The following SLC7A8 variants were observed in gnomAD, a reference collection of about 807,000 sequenced individuals.
The protein encoded by SLC7A8 is solute carrier family 7 member 8, also known as large neutral amino acids transporter small subunit 2.
In SLC7A8, 30 loss-of-function variants were observed where a neutral mutation model predicts 51.2. The observed-to-expected ratio is 0.59, with a 90% CI of 0.44 to 0.80. SLC7A8 has a LOEUF of 0.80. SLC7A8 is among the 30% of genes least tolerant of loss of function. The pLI is 0.00. For synonymous variants in SLC7A8, 257 were observed against 275.8 expected (o/e 0.93, Z 0.67); for missense variants, 612 against 674.4 (o/e 0.91, Z 1.03).
Position 23,182,793 on chromosome 14 carries a change from C to G in SLC7A8, c.122G>C (p.Gly41Ala). 1 of 1,607,744 alleles carries G rather than the reference C, an allele frequency of 6.2e-7. No homozygotes were observed. The highest frequency in any genetic ancestry group is 8.5e-7 in the Non-Finnish European group (1 of 1,177,554). Residue 41 changes from glycine to alanine, a missense_variant, in exon 1 of 11, where the codon GGA becomes GCA. Physicochemically the swap from Gly to Ala is moderately conservative, Grantham distance 60 (BLOSUM62 0). Coordinates refer to ENST00000316902, the MANE Select transcript of SLC7A8 (RefSeq NM_012244.4). ...GATGATACCACAGGCACTGACCAAT[C>G]CGATCTCTTTCTTCAGGGCTACTCC... ...GGGVALKKEI[G>A]LVSACGIIVG...
At chr14:23,168,059 A>G (rs764456758) in intron 1 of SLC7A8, among the ~76,000 whole-genome samples, 7 of 152,224 alleles carry the variant, frequency 4.6e-5, no homozygotes, top group African/African-American at 7.2e-5. Context: ...CTTTCCCAAC[A>G]GAACAGGGCT....
At chr14:23,160,988 G>A (rs1023212983) in intron 3 of SLC7A8, among the ~76,000 whole-genome samples, 23 of 151,438 alleles carry the variant, frequency 1.5e-4, no homozygotes, top group African/African-American at 5.3e-4. Context: ...TTTTACTGCT[G>A]GGTGGCTAGG....
At chr14:23,148,102 T>G (rs2877534) in intron 3 of SLC7A8, among the ~76,000 whole-genome samples, 150,273 of 152,320 alleles carry the variant, frequency 0.99, 74,158 homozygotes, top group Middle Eastern at 1. Flanking sequence ...AATGACAGCA[T>G]ATCTCTTTGG....
At position 23,130,536 on chromosome 14, in the gene SLC7A8, C is replaced by A. The variant is rs527654017; in HGVS notation, c.1114-737G>T. On this transcript the variant is annotated intron_variant, in intron 8 of 10. Transcript: ENST00000316902. ...ATCGAGAAGATTTTAATGGTTCTTGCTACATCTGCCTTTTAGTCACACTAC... is the reference window on the plus strand; with the variant it reads ...ATCGAGAAGATTTTAATGGTTCTTGATACATCTGCCTTTTAGTCACACTAC... 2.6e-5 allele frequency among the ~76,000 whole-genome samples: 4 copies of A among 152,294 alleles called. No homozygotes were observed. In the South Asian group the frequency reaches 8.3e-4, roughly 32 times the overall value.
chr14:23,127,044 C>T lies in SLC7A8; in HGVS notation c.*133G>A. On this transcript the variant is annotated 3_prime_UTR_variant, in exon 11 of 11. Coordinates refer to ENST00000316902, the MANE Select transcript of SLC7A8 (RefSeq NM_012244.4). ...TTTGTTTACAATTTCTCACCACCCA[C>T]ACCAAAGTCCTACCACTGCCTGACA... is the stretch of plus-strand genomic sequence containing the variant. The T allele has an allele frequency of 8.8e-7, 1 of 1,140,160 alleles. No individual in the cohort carries two copies. Among genetic ancestry groups the T allele is most frequent in the Non-Finnish European group, 1.3e-6 (1 of 791,168 alleles). The allele number at this position is 1,140,160 out of a possible 1,614,324, so 70.6% of individuals were successfully genotyped here.
chr14:23,139,526 G>A lies in SLC7A8; in HGVS notation c.810C>T (p.Phe270=). 1 of 1,614,030 alleles carries A rather than the reference G, an allele frequency of 6.2e-7. No homozygotes were observed. The highest frequency in any genetic ancestry group is 8.5e-7 in the Non-Finnish European group (1 of 1,179,950). Residue 270 remains phenylalanine, a synonymous_variant, in exon 6 of 11, where the codon TTC becomes TTT. Coordinates refer to ENST00000316902, the MANE Select transcript of SLC7A8 (RefSeq NM_012244.4). The part of the protein sequence containing the change: ...DPYKNLPRAI[F]ISIPLVTFVY... Reference sequence around the variant, plus strand: ...CAAATGTGACCAGTGGGATGGAGATGAAGATGGCTCTGGGAAGGTTCCTGT... The same window carrying A: ...CAAATGTGACCAGTGGGATGGAGATAAAGATGGCTCTGGGAAGGTTCCTGT...
intron 3 of SLC7A8, among the ~76,000 whole-genome samples, chr14:23,150,897 G>A (rs1020058019): frequency 1.3e-5 from 2 of 152,148 alleles, no homozygotes; most frequent in Non-Finnish European, 2.9e-5. Flanking sequence ...CCTGCTCTGG[G>A]GTCCTTCAAC....
intron 7 of SLC7A8, among the ~76,000 whole-genome samples, chr14:23,131,999 ATTTTTT>A (rs1201371313): frequency 6.1e-5 from 6 of 98,196 alleles, no homozygotes; most frequent in African/African-American, 1.2e-4. Context: ...AAAACACTCT[ATTTTTT>A]TTTTTTTTTT....
chr14:23,138,527 C>T (rs2048712454), intron 6 of SLC7A8, among the ~76,000 whole-genome samples: 1 of 15,452 alleles, frequency 6.5e-5, no homozygotes, highest in Non-Finnish European at 8.2e-3. Flanking sequence ...ATTTTTGAGC[C>T]TCTGTCTCCA....
intron 3 of SLC7A8, chr14:23,147,078 T>TCCATCCATCCATCCATCC (rs151285462): frequency 6.7e-6 from 1 of 148,328 alleles, no homozygotes; most frequent in African/African-American, 2.5e-5. Context: ...AGGGGCTTTT[T>TCCATCCATCCATCCATCC]ATCCATCCAT....
At chr14:23,139,347 G>A in intron 6 of SLC7A8, 77 bp downstream of exon 6, 1 of 1,604,122 alleles carries the variant, frequency 6.2e-7, no homozygotes. Context: ...ATGGATCAGG[G>A]AAAAGTGAGT....
intron 3 of SLC7A8, among the ~76,000 whole-genome samples, chr14:23,164,636 T>G (rs1392663253): frequency 6.6e-6 from 1 of 151,352 alleles, no homozygotes; most frequent in Non-Finnish European, 1.5e-5. Flanking sequence ...CACCAGACAA[T>G]TGTATGCAGA....
At chr14:23,133,440 C>CAAAAA (rs10577714) in intron 7 of SLC7A8, among the ~76,000 whole-genome samples, 1 of 93,222 alleles carries the variant, frequency 1.1e-5, no homozygotes, top group African/African-American at 4.1e-5. Flanking sequence ...GAACCTGTCT[C>CAAAAA]AAAAAAAAAA....
At chr14:23,129,421 C>T in intron 9 of SLC7A8, 1 of 499,336 alleles carries the variant, frequency 2.0e-6, no homozygotes, top group Non-Finnish European at 3.5e-6. Context: ...TGATGAAAGT[C>T]ACATTTGATC....
Position 23,127,050 on chromosome 14 carries a change from A to AG in SLC7A8, c.*126dup, listed in dbSNP as rs2048583566. On this transcript the variant is annotated 3_prime_UTR_variant, in exon 11 of 11. Transcript: ENST00000316902. Reference sequence around the variant, plus strand: ...TACAATTTCTCACCACCCACACCAAAGTCCTACCACTGCCTGACAAAAGCA... The same window carrying AG: ...TACAATTTCTCACCACCCACACCAAAGGTCCTACCACTGCCTGACAAAAGCA... 23 of 1,200,490 alleles carry AG rather than the reference A, an allele frequency of 1.9e-5. No individual in the cohort carries two copies. The South Asian group carries it at 3.3e-4, about 17-fold the overall frequency. 74.4% of individuals were successfully genotyped at this position (1,200,490 alleles called of 1,614,324 possible). A position where few individuals can be genotyped will look rare whatever the true frequency, so the allele number is the denominator to read the frequency against.
Position 23,128,624 on chromosome 14 carries a change from C to T in SLC7A8, c.1264-428G>A, listed in dbSNP as rs145665009. On this transcript the variant is annotated intron_variant, in intron 9 of 10. Transcript: ENST00000316902. The surrounding 1 kb of genome is among the most constrained non-coding windows in gnomAD (Gnocchi z 4.3). Reference sequence around the variant, plus strand: ...CACAAGGTGCAGGCAGGAGACGATTCGAGTCACTCAGGCTCCCTGGTCCTT... The same window carrying T: ...CACAAGGTGCAGGCAGGAGACGATTTGAGTCACTCAGGCTCCCTGGTCCTT... Among the ~76,000 whole-genome samples, 467 of 152,282 alleles carry T rather than the reference C, an allele frequency of 3.1e-3. 1 individual carries two copies. The highest frequency in any genetic ancestry group is 0.011 in the African/African-American group (450 of 41,558).
In SLC7A8 at chr14:23,126,570, C is replaced by T. The variant is rs185554482; in HGVS notation, c.*607G>A. ...TGGGGGTGGAGAGGCTGTTCTTCTC[C>T]TTGGTCCTTAGCTCTGGGAGTTGGC... On this transcript the variant is annotated 3_prime_UTR_variant, in exon 11 of 11. Transcript: ENST00000316902. 2.0e-5 allele frequency: 3 copies of T among 153,306 alleles called. No individual in the cohort carries two copies. The East Asian group carries it at 5.8e-4, about 30-fold the overall frequency. The allele number at this position is 153,306 out of a possible 1,614,324, so 9.5% of individuals were successfully genotyped here.
chr14:23,139,613 AG>A (rs1455071050), intron 5 of SLC7A8, 66 bp from the exon 6 acceptor site: 15 of 1,554,398 alleles, frequency 9.7e-6, no homozygotes, highest in African/African-American at 1.4e-5. Flanking sequence ...CATGGAGTCC[AG>A]GGGGTGTCTT....
chr14:23,152,642 T>C (rs2140325440), intron 3 of SLC7A8, among the ~76,000 whole-genome samples: 1 of 152,256 alleles, frequency 6.6e-6, no homozygotes, highest in Middle Eastern at 3.4e-3. Flanking sequence ...CTAGAACTCC[T>C]GGGCTCAAGT....
Sources: gnomAD v4.1 joint callset for allele counts (sites outside exome capture counted in the v4.1 genomes callset) on GRCh38, gnomAD v4.1.1 for gene constraint, Gnocchi (gnomAD v3.1) non-coding constraint, MANE v1.5 for transcripts, NCBI Gene and HGNC (gene_info 2026-07-23, HGNC 2026-07-21) for gene names.